USH2A: variants seen among roughly 807,000 people sequenced by gnomAD.
USH2A encodes the protein usherin, also known as Usher syndrome 2A (autosomal recessive, mild).
A neutral mutation model predicts 538.9 loss-of-function variants in USH2A; 443 were observed. The observed-to-expected ratio is 0.82, with a 90% confidence interval of 0.76 to 0.89. The LOEUF (loss-of-function observed/expected upper bound fraction) is 0.89, where lower values mean the gene tolerates loss of function less well. USH2A is among the 40% of genes least tolerant of loss of function. The pLI is 0.00. For missense variants in USH2A, 6,633 were observed against 6,324.8 expected, an observed-to-expected ratio of 1.05 and a Z score of -1.65; for synonymous variants, 2,413 against 2,273.5, an observed-to-expected ratio of 1.06 and a Z score of -1.75.
At chr1:215,763,614 T>C (rs1661043780) in intron 56 of USH2A, among the ~76,000 whole-genome samples, 1 of 152,124 alleles carries the variant, frequency 6.6e-6, no homozygotes, top group Non-Finnish European at 1.5e-5. Context: ...GAGGGGTCCA[T>C]GTTGCTTTGC....
intron 4 of USH2A, among the ~76,000 whole-genome samples, chr1:216,346,373 A>G (rs1472221903): frequency 6.6e-6 from 1 of 152,136 alleles, no homozygotes; most frequent in Admixed American, 6.6e-5. Flanking sequence ...GGAATTGGAA[A>G]TGGATAGATC....
intron 11 of USH2A, among the ~76,000 whole-genome samples, chr1:216,261,297 G>T (rs1297319962): frequency 1.3e-5 from 2 of 151,880 alleles, no homozygotes; most frequent in African/African-American, 4.8e-5. Context: ...ATAAACAATT[G>T]GTGAAAGAAA....
chr1:216,195,329 C>T (rs771069507), intron 19 of USH2A, among the ~76,000 whole-genome samples: 4 of 152,090 alleles, frequency 2.6e-5, no homozygotes, highest in Admixed American at 6.6e-5. Flanking sequence ...GGCTCAACCT[C>T]AGCTCATACC....
intron 49 of USH2A, among the ~76,000 whole-genome samples, chr1:215,812,143 C>T (rs1662714152): frequency 6.6e-6 from 1 of 151,190 alleles, no homozygotes; most frequent in Admixed American, 6.6e-5. Flanking sequence ...TGCCACACGC[C>T]CAGTTAATTT....
At position 215,780,009 on chromosome 1, in the gene USH2A, C is replaced by T. The variant is rs2102760722; in HGVS notation, c.10773G>A (p.Glu3591=). 2 of 1,614,080 alleles carry T rather than the reference C, an allele frequency of 1.2e-6. No homozygotes were observed. The highest frequency in any genetic ancestry group is 1.1e-5 in the South Asian group (1 of 91,082). Reference sequence around the variant, plus strand: ...CTGTGATGCTTGGTGGCAGGATGCTCTCCGGAACTCCTTGGGTAGTAGCTG... The same window carrying T: ...CTGTGATGCTTGGTGGCAGGATGCTTTCCGGAACTCCTTGGGTAGTAGCTG... The part of the protein sequence containing the change: ...VVAATTQGVP[E]SILPPSITAL... Residue 3591 remains glutamate, a synonymous_variant, in exon 55 of 72, where the codon GAG becomes GAA. Transcript: ENST00000307340.
chr1:216,380,953 GAATA>G (rs140009862), intron 3 of USH2A, among the ~76,000 whole-genome samples: 5,661 of 152,050 alleles, frequency 0.037, 140 homozygotes, highest in South Asian at 0.083. Context: ...ACATATGAAT[GAATA>G]AAGTATCTGC....
At chr1:215,866,090 G>A (rs543589654) in intron 44 of USH2A, among the ~76,000 whole-genome samples, 1 of 152,090 alleles carries the variant, frequency 6.6e-6, no homozygotes, top group South Asian at 2.1e-4. Flanking sequence ...GTTTTGAGTG[G>A]GTCTTTCCTG....
At chr1:215,644,359 A>T (rs1303801212) in intron 67 of USH2A, among the ~76,000 whole-genome samples, 1 of 152,130 alleles carries the variant, frequency 6.6e-6, no homozygotes, top group East Asian at 1.9e-4. Context: ...TACACTTCAA[A>T]ACAGAGCACT....
chr1:215,816,828 C>A (rs903264030), intron 48 of USH2A, among the ~76,000 whole-genome samples, 169 bp downstream of exon 48: 4 of 152,026 alleles, frequency 2.6e-5, no homozygotes, highest in Non-Finnish European at 5.9e-5. Flanking sequence ...CTAAAGTGCT[C>A]ATGAGGGTGA....
At chr1:215,980,895 T>A (rs1301887415) in intron 35 of USH2A, among the ~76,000 whole-genome samples, 1 of 152,180 alleles carries the variant, frequency 6.6e-6, no homozygotes, top group African/African-American at 2.4e-5. Context: ...GGCTATGACA[T>A]CAATGTAATT....
rs146000632 is a variant in USH2A at position 215,882,532 on chromosome 1, A to G, written c.8224-3434T>C. On this transcript the variant is annotated intron_variant, in intron 41 of 71. Transcript: ENST00000307340. The stretch of plus-strand genomic sequence containing the variant: ...TTCAATCAGACAGAGAAAGAGTACA[A>G]ATATATAAATACAAGAAACATTAAT... Among the ~76,000 whole-genome samples the G allele has an allele frequency of 4.8e-3, 733 of 152,288 alleles. 10 individuals are homozygous for G. The highest frequency in any genetic ancestry group is 0.017 in the African/African-American group (701 of 41,562).
intron 21 of USH2A, among the ~76,000 whole-genome samples, chr1:216,149,003 G>A (rs890144300): frequency 1.1e-4 from 16 of 151,960 alleles, no homozygotes; most frequent in Admixed American, 2.6e-4. Context: ...AAAAACACAC[G>A]TGCTCTCCCT....
intron 14 of USH2A, among the ~76,000 whole-genome samples, chr1:216,219,391 T>C (rs1433629621): frequency 6.6e-6 from 1 of 152,026 alleles, no homozygotes; most frequent in African/African-American, 2.4e-5. Flanking sequence ...CAGGGATAAT[T>C]TTGTAATTAA....
At chr1:216,087,471 A>G (rs896981625) in intron 23 of USH2A, among the ~76,000 whole-genome samples, 2 of 152,044 alleles carry the variant, frequency 1.3e-5, no homozygotes, top group African/African-American at 2.4e-5. Context: ...TGGCAGCTAC[A>G]TTCTTCCAGT....
At chr1:216,059,718 C>G (rs1358045793) in intron 30 of USH2A, among the ~76,000 whole-genome samples, 1 of 152,106 alleles carries the variant, frequency 6.6e-6, no homozygotes, top group African/African-American at 2.4e-5. Flanking sequence ...TTATATGAAC[C>G]TAAGGGGCAT....
intron 64 of USH2A, 53 bp from the exon 65 acceptor site, chr1:215,650,854 A>C: frequency 1.1e-5 from 3 of 263,112 alleles, no homozygotes; most frequent in Non-Finnish European, 1.8e-5. Flanking sequence ...TAAGGCTGGG[A>C]AAAAAAAAAA....
At chr1:215,746,887 A>C (rs1167376732) in intron 58 of USH2A, among the ~76,000 whole-genome samples, 1 of 152,212 alleles carries the variant, frequency 6.6e-6, no homozygotes, top group Non-Finnish European at 1.5e-5. Context: ...TGGGAAACAC[A>C]GGATTTCCCT....
chr1:216,414,388 A>C (rs1170824245), intron 3 of USH2A, among the ~76,000 whole-genome samples: 1 of 152,124 alleles, frequency 6.6e-6, no homozygotes, highest in Non-Finnish European at 1.5e-5. Context: ...AAAAGCTGTG[A>C]GATTCATTAC....
At position 215,634,564 on chromosome 1, in the gene USH2A, T is replaced by G; in HGVS notation, c.15192A>C (p.Gln5064His). ...TATATGGCTCTTTGTGGATTTTTCT[T>G]TGTAGTATCAGGGACAGAAAAATGG... Reference protein sequence around the residue: ...LLAIFLSLILQRKIHKEPYIR... With the variant: ...LLAIFLSLILHRKIHKEPYIR... The change falls in exon 70 of 72, where the codon CAA (glutamine) becomes CAC (histidine). Residue 5064 changes from glutamine (Q) to histidine (H), a missense_variant. Coordinates refer to ENST00000307340, the MANE Select transcript of USH2A (RefSeq NM_206933.4). 30 of 1,614,106 alleles carry G rather than the reference T, an allele frequency of 1.9e-5. No individual in the cohort carries two copies. The highest frequency in any genetic ancestry group is 2.5e-5 in the Non-Finnish European group (30 of 1,180,024).
Sources: gnomAD v4.1 joint callset for allele counts (sites outside exome capture counted in the v4.1 genomes callset) on GRCh38, gnomAD v4.1.1 for gene constraint, MANE v1.5 for transcripts, NCBI Gene and HGNC (gene_info 2026-07-23, HGNC 2026-07-21) for gene names.